SPEN: variants seen among roughly 807,000 people sequenced by gnomAD.
The protein encoded by SPEN is spen family transcriptional repressor, also known as msx2-interacting protein.
A neutral mutation model predicts 269.9 loss-of-function variants in SPEN; 18 were observed. The ratio of observed to expected loss-of-function variants is 0.07; its 90% confidence interval spans 0.05 to 0.10. The LOEUF (loss-of-function observed/expected upper bound fraction) is 0.10, where lower values mean the gene tolerates loss of function less well. Ranked by LOEUF, SPEN falls within the 10% of genes least tolerant of loss-of-function variation. The pLI is 1.00. For missense variants in SPEN, 3,822 were observed against 4,631.2 expected, an observed-to-expected ratio of 0.83 and a Z score of 5.07; for synonymous variants, 1,726 against 1,765.7, an observed-to-expected ratio of 0.98 and a Z score of 0.56.
rs376668606 is a variant in SPEN at position 15,930,196 on chromosome 1, A to C, written c.3956A>C (p.Gln1319Pro). The C allele has an allele frequency of 1.5e-5, 24 of 1,614,072 alleles. No individual in the cohort carries two copies. The highest frequency in any genetic ancestry group is 2.0e-5 in the Non-Finnish European group (24 of 1,180,048). Residue 1319 changes from glutamine to proline, a missense_variant, in exon 11 of 15, where the codon CAG becomes CCG. Gln to Pro is a moderately conservative substitution (Grantham distance 76, BLOSUM62 -1). This residue lies in a region of SPEN where 267 missense variants were observed against 315.5 expected (regional missense o/e 0.85). Coordinates refer to ENST00000375759, the MANE Select transcript of SPEN (RefSeq NM_015001.3). This position sits in a 1 kb window ranked among gnomAD's most constrained non-coding sequence, Gnocchi z 5.3. ...FNPYDSSRREQMADMAKIKLS... is the reference protein window; with the variant it reads ...FNPYDSSRREPMADMAKIKLS... The stretch of plus-strand genomic sequence containing the variant: ...CCTTATGATTCTAGCAGGAGAGAAC[A>C]GATGGCAGATATGGCCAAAATAAAA...
chr1:15,869,277 C>G (rs1279560891), intron 1 of SPEN, among the ~76,000 whole-genome samples: 1 of 151,912 alleles, frequency 6.6e-6, no homozygotes, highest in African/African-American at 2.4e-5. Context: ...GGATGGTCTC[C>G]ATCTCCTGAC....
intron 1 of SPEN, among the ~76,000 whole-genome samples, chr1:15,861,532 AAAGT>A (rs1286294252): frequency 1.3e-5 from 2 of 152,294 alleles, no homozygotes; most frequent in East Asian, 3.9e-4. Flanking sequence ...ATTTTACTGA[AAAGT>A]AAGTCCTAAG....
At position 15,928,087 on chromosome 1, in the gene SPEN, G is replaced by A. The variant is rs770250279; in HGVS notation, c.1851-4G>A. 5.7e-6 allele frequency: 9 copies of A among 1,575,676 alleles called. No individual in the cohort carries two copies. Among genetic ancestry groups the A allele is most frequent in the Non-Finnish European group, 6.0e-6 (7 of 1,158,474 alleles). ...GAACTAATATCTTTGTTATTTTTTG[G>A]CAGAGAGGAACGAAGGGCATCCTAC... On this transcript the variant is annotated splice_polypyrimidine_tract_variant and splice_region_variant and intron_variant, in intron 10 of 14. Transcript: ENST00000375759. This position sits in a 1 kb window ranked among gnomAD's most constrained non-coding sequence, Gnocchi z 5.7.
chr1:15,938,510 TAC>T (rs2071301983), intron 13 of SPEN: 1 of 501,706 alleles, frequency 2.0e-6, no homozygotes, highest in Non-Finnish European at 3.4e-6. Flanking sequence ...AACAAGGCTT[TAC>T]AGTTTTTAAA....
chr1:15,888,689 A>G (rs1180737439), intron 3 of SPEN, among the ~76,000 whole-genome samples: 2 of 147,896 alleles, frequency 1.4e-5, no homozygotes, highest in South Asian at 2.2e-4. Context: ...CTGGAGTACA[A>G]TGGCGCGATC....
At chr1:15,921,154 C>T (rs1380964123) in intron 9 of SPEN, among the ~76,000 whole-genome samples, 171 bp downstream of exon 9, 2 of 152,158 alleles carry the variant, frequency 1.3e-5, no homozygotes, top group East Asian at 1.9e-4. Flanking sequence ...GGTGAAACCA[C>T]GTCTCTACTA....
At chr1:15,936,957 A>G (rs848212) in intron 11 of SPEN, among the ~76,000 whole-genome samples, 91,266 of 151,796 alleles carry the variant, frequency 0.6, 27,840 homozygotes, top group Admixed American at 0.68. Context: ...GCTGGGTAGC[A>G]TCAGCAGGAG....
chr1:15,870,621 T>C (rs570535495), intron 1 of SPEN, among the ~76,000 whole-genome samples: 34 of 152,316 alleles, frequency 2.2e-4, no homozygotes, highest in South Asian at 6.2e-4. Flanking sequence ...GCATGACTTG[T>C]GTGAGAATGA....
chr1:15,932,425 T>C lies in SPEN; in HGVS notation c.6185T>C (p.Val2062Ala). ...KNPPETAPVE[V>A]VEKKPAPEKN... is the part of the protein sequence containing the mutation. ...CCCCCTGAAACCGCCCCTGTTGAAG[T>C]TGTAGAGAAAAAACCGGCCCCTGAA... The change falls in exon 11 of 15, where the codon GTT (valine) becomes GCT (alanine). Residue 2062 changes from valine (V) to alanine (A), a missense_variant. By Grantham distance (64) the Val-to-Ala change is moderately conservative. Around this residue, in one of 16 missense-constraint regions of SPEN, gnomAD observed 727 missense variants for 737.9 expected, o/e 0.99. Coordinates refer to ENST00000375759, the MANE Select transcript of SPEN (RefSeq NM_015001.3). This position sits in a 1 kb window ranked among gnomAD's most constrained non-coding sequence, Gnocchi z 4.2. The C allele has an allele frequency of 2.0e-5, 33 of 1,613,086 alleles. No homozygotes were observed. Among genetic ancestry groups the C allele is most frequent in the Non-Finnish European group, 2.8e-5 (33 of 1,179,796 alleles).
chr1:15,886,484 G>T (rs531541646), intron 3 of SPEN, among the ~76,000 whole-genome samples: 1 of 152,174 alleles, frequency 6.6e-6, no homozygotes, highest in African/African-American at 2.4e-5. Context: ...GGGGCGGGGC[G>T]CAGGGACCCG....
At chr1:15,890,527 G>GCC (rs2070778320) in intron 3 of SPEN, among the ~76,000 whole-genome samples, 1 of 150,226 alleles carries the variant, frequency 6.7e-6, no homozygotes, top group Admixed American at 6.6e-5. Context: ...ACCGTGCCCG[G>GCC]CCTGGTTGAT....
At chr1:15,916,861 T>C (rs2071071595) in intron 6 of SPEN, among the ~76,000 whole-genome samples, 1 of 152,222 alleles carries the variant, frequency 6.6e-6, no homozygotes, top group Non-Finnish European at 1.5e-5. Flanking sequence ...GCATGGTGGC[T>C]CACACCTATA....
chr1:15,911,897 G>A (rs889173639), intron 5 of SPEN, among the ~76,000 whole-genome samples: 3 of 152,226 alleles, frequency 2.0e-5, no homozygotes, highest in African/African-American at 4.8e-5. Context: ...GGAGGTCAAG[G>A]TTGTAGTGAG....
chr1:15,887,762 C>G (rs1261616510), intron 3 of SPEN, among the ~76,000 whole-genome samples: 1 of 150,128 alleles, frequency 6.7e-6, no homozygotes, highest in East Asian at 2.0e-4. Flanking sequence ...TGGCTCACAC[C>G]TGTAATCCCA....
intron 3 of SPEN, among the ~76,000 whole-genome samples, chr1:15,906,453 C>CTTTTTTT (rs200731520): frequency 2.5e-4 from 23 of 92,542 alleles, no homozygotes; most frequent in South Asian, 3.8e-4. Context: ...TCTTTCTTTC[C>CTTTTTTT]TTTTTTTTTT....
At chr1:15,882,044 T>G (rs980962347) in intron 3 of SPEN, among the ~76,000 whole-genome samples, 1 of 152,178 alleles carries the variant, frequency 6.6e-6, no homozygotes, top group African/African-American at 2.4e-5. Context: ...AGTGGGGTAT[T>G]TCAGATGAGT....
rs765092309 is a variant in SPEN at position 15,928,792 on chromosome 1, C to T, written c.2552C>T (p.Pro851Leu). 3 of 1,614,012 alleles carry T rather than the reference C, an allele frequency of 1.9e-6. No homozygotes were observed. The highest frequency in any genetic ancestry group is 2.5e-6 in the Non-Finnish European group (3 of 1,180,026). ...ENEREQSPEK[P>L]RSCNKLSREK... ...GAGCGAGAGCAAAGCCCTGAAAAGCCCAGGAGTTGTAATAAACTGAGCAGA... is the reference window on the plus strand; with the variant it reads ...GAGCGAGAGCAAAGCCCTGAAAAGCTCAGGAGTTGTAATAAACTGAGCAGA... The change falls in exon 11 of 15, where the codon CCC (proline) becomes CTC (leucine). Residue 851 changes from proline to leucine, a missense_variant. By Grantham distance (98) the Pro-to-Leu change is moderately conservative. Coordinates refer to ENST00000375759, the MANE Select transcript of SPEN (RefSeq NM_015001.3). The surrounding 1 kb of genome is among the most constrained non-coding windows in gnomAD (Gnocchi z 5.7).
At chr1:15,911,072 T>A (rs1265076363) in intron 4 of SPEN, 29 bp from the exon 5 acceptor site, 1 of 1,548,888 alleles carries the variant, frequency 6.5e-7, no homozygotes, top group Non-Finnish European at 8.8e-7. Flanking sequence ...TTAGAAGAAT[T>A]AATAACTTGG....
At chr1:15,873,338 T>G (rs2070600512) in intron 2 of SPEN, 2 of 985,412 alleles carry the variant, frequency 2.0e-6, no homozygotes, top group Non-Finnish European at 1.2e-6. Flanking sequence ...GCTGATTGGA[T>G]ATCTGTTCCT....
Sources: gnomAD v4.1 joint callset for allele counts (sites outside exome capture counted in the v4.1 genomes callset) on GRCh38, gnomAD v4.1.1 for gene constraint, gnomAD v4.1.1 regional missense constraint, Gnocchi (gnomAD v3.1) non-coding constraint, MANE v1.5 for transcripts, NCBI Gene and HGNC (gene_info 2026-07-23, HGNC 2026-07-21) for gene names.